Variants in ROBO2 observed in about 807,000 individuals in gnomAD.
The protein encoded by ROBO2 is roundabout homolog 2.
ROBO2 carries 53 observed loss-of-function variants against 160.8 expected under a neutral mutation model. The ratio of observed to expected loss-of-function variants is 0.33; its 90% CI spans 0.26 to 0.41. ROBO2 has a LOEUF of 0.41. ROBO2 is among the 10% of genes least tolerant of loss of function. The pLI is 1.00. For missense variants in ROBO2, 1,577 were observed against 1,722.4 expected (o/e 0.92, Z 1.49); for synonymous variants, 664 against 611.7 (o/e 1.09, Z -1.26).
At chr3:76,210,804 A>G (rs1575889487) in intron 2 of ROBO2, among the ~76,000 whole-genome samples, 2 of 152,244 alleles carry the variant, frequency 1.3e-5, no homozygotes. Context: ...CCCTCTAGGT[A>G]AGATGCAGGA....
intron 2 of ROBO2, among the ~76,000 whole-genome samples, chr3:76,260,386 G>C (rs1025891418): frequency 6.6e-6 from 1 of 152,064 alleles, no homozygotes; most frequent in Admixed American, 6.6e-5. Context: ...GAGAAAAAAA[G>C]TTCTCTACAA....
chr3:76,884,810 G>A (rs1459149382), intron 2 of ROBO2, among the ~76,000 whole-genome samples: 1 of 152,054 alleles, frequency 6.6e-6, no homozygotes, highest in Non-Finnish European at 1.5e-5. Flanking sequence ...TTGTCTAAGA[G>A]GAGACAATAT....
chr3:76,630,524 C>T (rs2089967023), intron 2 of ROBO2, among the ~76,000 whole-genome samples: 1 of 150,550 alleles, frequency 6.6e-6, no homozygotes, highest in South Asian at 2.1e-4. Context: ...GAACTTAACT[C>T]CTATTTATAT....
intron 2 of ROBO2, among the ~76,000 whole-genome samples, chr3:76,825,018 G>A (rs1285972012): frequency 1.3e-5 from 2 of 152,184 alleles, no homozygotes; most frequent in Non-Finnish European, 2.9e-5. Flanking sequence ...ACTTCTCAGG[G>A]AGTGCTGGTA....
At chr3:77,375,230 G>A (rs1209963641) in intron 2 of ROBO2, among the ~76,000 whole-genome samples, 1 of 152,108 alleles carries the variant, frequency 6.6e-6, no homozygotes, top group Non-Finnish European at 1.5e-5. Flanking sequence ...ATATATGAAT[G>A]GAATTAAAAT....
At position 75,970,003 on chromosome 3, in the gene ROBO2, G is replaced by A. The variant is rs146050075; in HGVS notation, c.109+32401G>A. 5.9e-4 allele frequency among the ~76,000 whole-genome samples: 90 copies of A among 151,614 alleles called. 1 individual carries two copies. The highest frequency in any genetic ancestry group is 2.1e-3 in the African/African-American group (88 of 41,468). ...GTTTTCTCTGTGTTTTCTTCTGGGAGTTTTATAGTTTCAGGTCTTACACGT... is the reference window on the plus strand; with the variant it reads ...GTTTTCTCTGTGTTTTCTTCTGGGAATTTTATAGTTTCAGGTCTTACACGT... On this transcript the variant is annotated intron_variant, in intron 2 of 26. Coordinates refer to the ROBO2 transcript ENST00000487694.
intron 2 of ROBO2, among the ~76,000 whole-genome samples, chr3:76,504,570 C>T (rs1158964012): frequency 7.3e-6 from 1 of 137,548 alleles, no homozygotes; most frequent in Non-Finnish European, 1.5e-5. Flanking sequence ...CGCTCTGTGC[C>T]CAGGCTGGAG....
chr3:76,734,206 A>T (rs1196092612), intron 2 of ROBO2, among the ~76,000 whole-genome samples: 1 of 152,198 alleles, frequency 6.6e-6, no homozygotes, highest in Non-Finnish European at 1.5e-5. Context: ...CTACTAATTT[A>T]TCAAGATATA....
intron 2 of ROBO2, among the ~76,000 whole-genome samples, chr3:77,343,363 A>G (rs968498854): frequency 2.6e-5 from 4 of 152,194 alleles, no homozygotes; most frequent in Non-Finnish European, 5.9e-5. Flanking sequence ...AGAGTTGCTC[A>G]TATTAAATCT....
chr3:76,993,702 T>C (rs2060822660), intron 2 of ROBO2, among the ~76,000 whole-genome samples: 1 of 152,106 alleles, frequency 6.6e-6, no homozygotes. Flanking sequence ...GAAGGGGTCC[T>C]GAGACTTCTT....
chr3:76,290,955 T>A (rs1708771782), intron 2 of ROBO2, among the ~76,000 whole-genome samples: 1 of 152,094 alleles, frequency 6.6e-6, no homozygotes. Flanking sequence ...TATGTTTGCA[T>A]TAATACCTGT....
At chr3:77,513,442 C>T (rs1314618200) in intron 5 of ROBO2, among the ~76,000 whole-genome samples, 1 of 151,674 alleles carries the variant, frequency 6.6e-6, no homozygotes, top group Non-Finnish European at 1.5e-5. Context: ...GGTAGGAAAG[C>T]AGGTATGTTT....
chr3:76,739,412 T>C (rs1325076276), intron 2 of ROBO2, among the ~76,000 whole-genome samples: 7 of 140,784 alleles, frequency 5.0e-5, no homozygotes, highest in Non-Finnish European at 9.0e-5. Context: ...TTCTCACTCG[T>C]AGATGGGAAT....
At chr3:76,971,409 A>G (rs943736202) in intron 2 of ROBO2, among the ~76,000 whole-genome samples, 10 of 152,200 alleles carry the variant, frequency 6.6e-5, no homozygotes, top group Non-Finnish European at 1.3e-4. Context: ...AACCCTGTAT[A>G]AACTACTTAT....
At chr3:76,418,602 C>G (rs1409378020) in intron 2 of ROBO2, among the ~76,000 whole-genome samples, 1 of 151,714 alleles carries the variant, frequency 6.6e-6, no homozygotes, top group Non-Finnish European at 1.5e-5. Context: ...GTGGTGATCC[C>G]TTGTTGGAAC....
At chr3:77,360,769 T>C (rs2153466841) in intron 2 of ROBO2, among the ~76,000 whole-genome samples, 2 of 152,274 alleles carry the variant, frequency 1.3e-5, no homozygotes, top group South Asian at 2.1e-4. Context: ...AATTGCTGTG[T>C]CTGGGCCCCA....
intron 2 of ROBO2, among the ~76,000 whole-genome samples, chr3:77,428,530 GT>G (rs2078450815): frequency 6.7e-6 from 1 of 149,800 alleles, no homozygotes; most frequent in Non-Finnish European, 1.5e-5. Flanking sequence ...CTAATTTTTT[GT>G]ATTTTTAGTA....
At chr3:77,373,509 A>G (rs2153478764) in intron 2 of ROBO2, among the ~76,000 whole-genome samples, 1 of 152,198 alleles carries the variant, frequency 6.6e-6, no homozygotes, top group East Asian at 1.9e-4. Flanking sequence ...TTAATATCAT[A>G]TTTCCATGGT....
chr3:76,665,934 CATATAATATATTAT>C (rs1355473165), intron 2 of ROBO2, among the ~76,000 whole-genome samples: 12 of 135,290 alleles, frequency 8.9e-5, no homozygotes, highest in African/African-American at 1.1e-4. Flanking sequence ...ATGTAATATA[CATATAATATATTAT>C]ATATAATATA....
Sources: allele counts gnomAD v4.1 joint callset (sites outside exome capture counted in the v4.1 genomes callset), GRCh38; gene constraint gnomAD v4.1.1; transcripts MANE v1.5; gene names NCBI Gene and HGNC (gene_info 2026-07-23, HGNC 2026-07-21).